The following GMDS variants were observed in gnomAD, a reference collection of about 807,000 sequenced individuals.
GMDS encodes GDP-mannose 4,6 dehydratase.
GMDS carries 20 observed loss-of-function variants against 49.9 expected under a neutral mutation model. That is an observed-to-expected ratio of 0.40 (90% CI 0.28 to 0.58). The LOEUF (loss-of-function observed/expected upper bound fraction) is 0.58. GMDS is among the 20% of genes least tolerant of loss of function. GMDS has a pLI of 0.42. For missense variants in GMDS, 362 were observed against 481.4 expected (o/e 0.75, Z 2.32); for synonymous variants, 177 against 178.6 (o/e 0.99, Z 0.07).
intron 9 of GMDS, among the ~76,000 whole-genome samples, chr6:1,722,060 G>A (rs1431135701): frequency 1.8e-5 from 2 of 109,908 alleles, no homozygotes; most frequent in South Asian, 3.4e-4. Flanking sequence ...CTGCTATCAC[G>A]TCTTTTTTTT....
Position 2,058,574 on chromosome 6 carries a change from C to T in GMDS, c.345+57197G>A, listed in dbSNP as rs528990646. Among the ~76,000 whole-genome samples, 8 of 152,166 alleles carry T rather than the reference C, an allele frequency of 5.3e-5. No individual in the cohort carries two copies. In the East Asian group the frequency reaches 9.6e-4, roughly 18 times the overall value. ...TTGAGAGGTAGAGAGTTCCATATAACCCAAGATGTTCAAGAATCTCTCCAA... is the reference window on the plus strand; with the variant it reads ...TTGAGAGGTAGAGAGTTCCATATAATCCAAGATGTTCAAGAATCTCTCCAA... On this transcript the variant is annotated intron_variant, in intron 4 of 10. Coordinates refer to ENST00000380815, the MANE Select transcript of GMDS (RefSeq NM_001500.4).
intron 9 of GMDS, among the ~76,000 whole-genome samples, chr6:1,645,585 T>C (rs886695052): frequency 5.9e-5 from 9 of 152,204 alleles, no homozygotes; most frequent in African/African-American, 2.2e-4. Flanking sequence ...ACTCTCCGGG[T>C]CCAACCTTGG....
chr6:2,143,901 TATTCATTC>T (rs1171219945), intron 1 of GMDS, among the ~76,000 whole-genome samples: 1 of 152,216 alleles, frequency 6.6e-6, no homozygotes, highest in African/African-American at 2.4e-5. Flanking sequence ...TTCCCTCCCA[TATTCATTC>T]ATTCATTCAT....
intron 7 of GMDS, among the ~76,000 whole-genome samples, chr6:1,853,446 A>T (rs556000171): frequency 7.3e-6 from 1 of 136,966 alleles, no homozygotes; most frequent in East Asian, 2.3e-4. Flanking sequence ...TGAACCCGGG[A>T]GGCGGAGCTT....
intron 4 of GMDS, among the ~76,000 whole-genome samples, chr6:2,025,066 A>T (rs1228681518): frequency 3.3e-5 from 5 of 152,040 alleles, no homozygotes; most frequent in Non-Finnish European, 5.9e-5. Flanking sequence ...TAAAACTATA[A>T]TGGCAGTGAG....
intron 9 of GMDS, among the ~76,000 whole-genome samples, chr6:1,628,214 A>T (rs2113143819): frequency 6.6e-6 from 1 of 152,358 alleles, no homozygotes; most frequent in East Asian, 1.9e-4. Context: ...AAAGTCATTA[A>T]GCCTGTTTCT....
At chr6:2,211,328 C>T (rs1184888432) in intron 1 of GMDS, among the ~76,000 whole-genome samples, 1 of 152,146 alleles carries the variant, frequency 6.6e-6, no homozygotes, top group Admixed American at 6.5e-5. Context: ...TTCATTCCCA[C>T]CTGAACATAG....
chr6:2,242,156 TGA>T (rs1781643166), intron 1 of GMDS, among the ~76,000 whole-genome samples: 1 of 152,228 alleles, frequency 6.6e-6, no homozygotes, highest in South Asian at 2.1e-4. Flanking sequence ...CTGAGAACAC[TGA>T]GACTCACCTT....
At chr6:2,216,611 G>A (rs1005062802) in intron 1 of GMDS, among the ~76,000 whole-genome samples, 1 of 152,170 alleles carries the variant, frequency 6.6e-6, no homozygotes, top group Non-Finnish European at 1.5e-5. Context: ...TGCAGTCTCA[G>A]GTACTCAGAA....
At chr6:1,889,250 A>G (rs779107225) in intron 7 of GMDS, among the ~76,000 whole-genome samples, 2 of 152,060 alleles carry the variant, frequency 1.3e-5, no homozygotes, top group Admixed American at 6.6e-5. Context: ...CCTCCCAAAC[A>G]TCAAACTCAG....
At chr6:2,041,459 T>C (rs1769673405) in intron 4 of GMDS, among the ~76,000 whole-genome samples, 1 of 152,212 alleles carries the variant, frequency 6.6e-6, no homozygotes, top group Admixed American at 6.5e-5. Context: ...GCATGAGACA[T>C]TTTTTACAGA....
At chr6:1,624,371 GC>G in intron 10 of GMDS, 100 bp downstream of exon 10, 3 of 1,322,366 alleles carry the variant, frequency 2.3e-6, no homozygotes, top group Non-Finnish European at 2.1e-6. Flanking sequence ...CGCCTTCCGG[GC>G]TTTGGGCATC....
At position 2,115,812 on chromosome 6, in the gene GMDS, G is replaced by T. The variant is rs2127499677; in HGVS notation, c.304C>A (p.Pro102Thr). The T allele has an allele frequency of 6.2e-7, 1 of 1,603,964 alleles. No individual in the cohort carries two copies. Among genetic ancestry groups the T allele is most frequent in the Non-Finnish European group, 8.5e-7 (1 of 1,172,998 alleles). ...GCTCCAAGGTTGTAGATCTCTGTGG[G>T]CTTTACTTCATTAATGATCTTCACA... ...CLVKIINEVK[P>T]TEIYNLGAQS... Residue 102 changes from proline to threonine, a missense_variant, in exon 4 of 11, where the codon CCC becomes ACC. Coordinates refer to ENST00000380815, the MANE Select transcript of GMDS (RefSeq NM_001500.4).
intron 7 of GMDS, among the ~76,000 whole-genome samples, chr6:1,916,909 A>G (rs1392548143): frequency 1.3e-5 from 2 of 151,812 alleles, no homozygotes; most frequent in African/African-American, 4.8e-5. Flanking sequence ...GATAAGGATC[A>G]AATGAAACGA....
At chr6:2,115,309 A>G (rs529106408) in intron 4 of GMDS, among the ~76,000 whole-genome samples, 85 of 152,350 alleles carry the variant, frequency 5.6e-4, no homozygotes, top group African/African-American at 2.0e-3. Context: ...TTTACCATTC[A>G]CAATTAAAAA....
At chr6:1,663,734 G>A (rs1581429005) in intron 9 of GMDS, among the ~76,000 whole-genome samples, 1 of 152,192 alleles carries the variant, frequency 6.6e-6, no homozygotes, top group African/African-American at 2.4e-5. Flanking sequence ...CCCGGTGACT[G>A]GTGAAGATCC....
At chr6:2,069,508 A>T (rs1771844445) in intron 4 of GMDS, among the ~76,000 whole-genome samples, 1 of 151,990 alleles carries the variant, frequency 6.6e-6, no homozygotes, top group African/African-American at 2.4e-5. Context: ...AAATTTTCGC[A>T]ACCTACTCAT....
chr6:2,115,983 G>T, intron 3 of GMDS, 103 bp from the exon 4 acceptor site: 1 of 713,378 alleles, frequency 1.4e-6, no homozygotes, highest in Non-Finnish European at 2.5e-6. Context: ...CTGAAAACCA[G>T]GGTCAAAATG....
At chr6:1,719,543 G>A (rs1427083226) in intron 9 of GMDS, among the ~76,000 whole-genome samples, 1 of 151,608 alleles carries the variant, frequency 6.6e-6, no homozygotes, top group Non-Finnish European at 1.5e-5. Flanking sequence ...AAATCTCCAT[G>A]AACACAGATT....
Sources: gnomAD v4.1 joint callset for allele counts (sites outside exome capture counted in the v4.1 genomes callset) on GRCh38, gnomAD v4.1.1 for gene constraint, MANE v1.5 for transcripts, NCBI Gene and HGNC (gene_info 2026-07-23, HGNC 2026-07-21) for gene names.